The following EYS variants were observed in gnomAD, a reference collection of about 807,000 sequenced individuals.
EYS encodes EGF-like photoreceptor maintenance factor.
EYS carries 250 observed loss-of-function variants against 282.1 expected under a neutral mutation model. That is an observed-to-expected ratio of 0.89 (90% CI 0.80 to 0.98). The LOEUF (loss-of-function observed/expected upper bound fraction) is 0.98, where lower values mean the gene tolerates loss of function less well. Ranked by LOEUF, EYS falls within the 50% of genes least tolerant of loss-of-function variation. The probability of loss-of-function intolerance (pLI) is 0.00; values close to 1 mark genes in which losing one functional copy is unlikely to be tolerated. For missense variants in EYS, 4,016 were observed against 3,709.0 expected, an observed-to-expected ratio of 1.08 and a Z score of -2.15; for synonymous variants, 1,355 against 1,282.9, an observed-to-expected ratio of 1.06 and a Z score of -1.20.
intron 22 of EYS, among the ~76,000 whole-genome samples, chr6:64,780,804 A>G (rs2149993322): frequency 6.6e-6 from 1 of 152,304 alleles, no homozygotes; most frequent in South Asian, 2.1e-4. Flanking sequence ...TCTTTAAAAA[A>G]ATTATTCTAT....
At chr6:64,994,321 C>T (rs556214299) in intron 14 of EYS, among the ~76,000 whole-genome samples, 6 of 152,022 alleles carry the variant, frequency 3.9e-5, no homozygotes, top group Non-Finnish European at 7.4e-5. Context: ...TTCTTATTTT[C>T]TGCTTTTCAT....
chr6:65,260,702 T>C (rs540584959), intron 12 of EYS, among the ~76,000 whole-genome samples: 14 of 152,222 alleles, frequency 9.2e-5, no homozygotes, highest in Admixed American at 8.5e-4. Context: ...ATTACTTATA[T>C]GTCACACAAT....
chr6:65,058,982 TTAATC>T (rs1773493177), intron 12 of EYS, among the ~76,000 whole-genome samples: 1 of 152,050 alleles, frequency 6.6e-6, no homozygotes, highest in Non-Finnish European at 1.5e-5. Context: ...CTACATCAAA[TTAATC>T]TAATAGGAAT....
chr6:64,710,840 T>C (rs1771188100), intron 22 of EYS, among the ~76,000 whole-genome samples: 2 of 151,986 alleles, frequency 1.3e-5, no homozygotes, highest in African/African-American at 4.8e-5. Flanking sequence ...TCACAGGAGG[T>C]TGGAGATAGT....
intron 12 of EYS, among the ~76,000 whole-genome samples, chr6:65,205,008 ATATT>A (rs1432256226): frequency 9.8e-6 from 1 of 101,882 alleles, no homozygotes; most frequent in East Asian, 2.3e-4. Flanking sequence ...CTAGAAGAAT[ATATT>A]TATATATTCT....
chr6:64,943,862 C>G (rs531030403), intron 15 of EYS, among the ~76,000 whole-genome samples: 2 of 151,762 alleles, frequency 1.3e-5, no homozygotes, highest in Non-Finnish European at 2.9e-5. Flanking sequence ...CTAAAATGTA[C>G]GTAGAGTGAA....
At chr6:64,717,201 C>G (rs1771426726) in intron 22 of EYS, among the ~76,000 whole-genome samples, 1 of 152,164 alleles carries the variant, frequency 6.6e-6, no homozygotes, top group Non-Finnish European at 1.5e-5. Flanking sequence ...GTGTCAGATT[C>G]TGACTTAAAT....
intron 34 of EYS, among the ~76,000 whole-genome samples, chr6:63,987,058 C>T (rs1767401290): frequency 6.6e-6 from 1 of 151,648 alleles, no homozygotes; most frequent in Non-Finnish European, 1.5e-5. Flanking sequence ...ATCAATACAA[C>T]AGGGCCACAT....
At chr6:64,267,260 T>C (rs1424404829) in intron 30 of EYS, among the ~76,000 whole-genome samples, 1 of 152,142 alleles carries the variant, frequency 6.6e-6, no homozygotes, top group East Asian at 1.9e-4. Context: ...ATGGGACTGC[T>C]ATTCAGTGGA....
At position 65,281,516 on chromosome 6, in the gene EYS, A is replaced by G. The variant is rs567228755; in HGVS notation, c.2023+14347T>C. Among the ~76,000 whole-genome samples the G allele has an allele frequency of 5.3e-5, 8 of 152,312 alleles. No individual in the cohort carries two copies. The East Asian group carries it at 1.5e-3, about 29-fold the overall frequency. ...TATGTTATTTTCTTGTATTTCAGAA[A>G]GATCACTCTCAGTATAACTCTGTGA... On this transcript the variant is annotated intron_variant, in intron 12 of 42. Transcript: ENST00000503581.
At chr6:64,508,579 T>A (rs1326517956) in intron 26 of EYS, among the ~76,000 whole-genome samples, 2 of 147,582 alleles carry the variant, frequency 1.4e-5, no homozygotes, top group Non-Finnish European at 1.5e-5. Flanking sequence ...ATTATTATTA[T>A]TATTATTATT....
intron 31 of EYS, among the ~76,000 whole-genome samples, chr6:64,096,665 A>G (rs950120523): frequency 9.9e-5 from 15 of 151,954 alleles, no homozygotes; most frequent in African/African-American, 3.6e-4. Context: ...ATTTTTTTCC[A>G]AGGTTGTTAT....
intron 12 of EYS, among the ~76,000 whole-genome samples, chr6:65,129,320 G>T (rs1775802651): frequency 6.6e-6 from 1 of 151,912 alleles, no homozygotes; most frequent in South Asian, 2.1e-4. Flanking sequence ...ATTGACAAGT[G>T]AAACCTAATT....
At chr6:65,462,612 G>T (rs456917) in intron 5 of EYS, among the ~76,000 whole-genome samples, 1 of 151,818 alleles carries the variant, frequency 6.6e-6, no homozygotes, top group Admixed American at 6.6e-5. Flanking sequence ...TTTACTACAA[G>T]ATACAAGCAA....
intron 9 of EYS, among the ~76,000 whole-genome samples, chr6:65,352,293 A>G (rs1203559425): frequency 6.6e-6 from 1 of 151,970 alleles, no homozygotes; most frequent in African/African-American, 2.4e-5. Flanking sequence ...GCTGTTACTC[A>G]AAAACAGACA....
chr6:65,001,229 G>A (rs997621038), intron 13 of EYS, among the ~76,000 whole-genome samples: 26 of 136,290 alleles, frequency 1.9e-4, no homozygotes, highest in Admixed American at 7.2e-4. Context: ...CTTGCCTAGC[G>A]TCCCGGAAGA....
At chr6:63,903,222 G>T (rs941880411) in intron 35 of EYS, among the ~76,000 whole-genome samples, 2 of 152,100 alleles carry the variant, frequency 1.3e-5, no homozygotes, top group East Asian at 3.9e-4. Context: ...ATCTAAGCTG[G>T]GAGTGGAATC....
chr6:65,593,411 CT>C (rs1765298906), intron 2 of EYS, among the ~76,000 whole-genome samples: 1 of 152,040 alleles, frequency 6.6e-6, no homozygotes. Flanking sequence ...CTGGTGCAAG[CT>C]AAGAGTTGAA....
At position 64,622,730 on chromosome 6, in the gene EYS, A is replaced by G. The variant is rs1161789696; in HGVS notation, c.3568+3391T>C. 2.0e-5 allele frequency among the ~76,000 whole-genome samples: 3 copies of G among 152,192 alleles called. No individual in the cohort carries two copies. In the East Asian group the frequency reaches 5.8e-4, roughly 29 times the overall value. On this transcript the variant is annotated intron_variant, in intron 23 of 42. Coordinates refer to ENST00000503581, the MANE Select transcript of EYS (RefSeq NM_001142800.2). ...ACTGAAGAAAATGGCAATGATTTAT[A>G]GTGTTTAGCCAATTTAAAGACAGAG...
Sources: allele counts gnomAD v4.1 joint callset (sites outside exome capture counted in the v4.1 genomes callset), GRCh38; gene constraint gnomAD v4.1.1; transcripts MANE v1.5; gene names NCBI Gene and HGNC (gene_info 2026-07-23, HGNC 2026-07-21).